Variants in NEUROD4 observed in about 807,000 individuals in gnomAD.
NEUROD4 encodes neurogenic differentiation factor 4.
Under a neutral mutation model 19.8 loss-of-function variants are expected in NEUROD4, and 16 were observed. The observed-to-expected ratio is 0.81, with a 90% confidence interval of 0.55 to 1.23. NEUROD4 has a LOEUF of 1.23. NEUROD4 is among the 50% of genes most tolerant of loss of function. The pLI, the probability that NEUROD4 is intolerant of heterozygous loss-of-function variation, is 0.00. For missense variants in NEUROD4, 439 were observed against 398.6 expected, an observed-to-expected ratio of 1.10 and a Z score of -0.86; for synonymous variants, 153 against 147.9, an observed-to-expected ratio of 1.03 and a Z score of -0.25.
Position 55,028,449 on chromosome 12 carries a change from T to C in NEUROD4, c.*1014T>C, listed in dbSNP as rs79710610. On this transcript the variant is annotated 3_prime_UTR_variant, in exon 2 of 2. Coordinates refer to ENST00000242994, the MANE Select transcript of NEUROD4 (RefSeq NM_021191.3). ...AATAGCTATTGGCTATAATAACTAC[T>C]ATAGTTCAGGGACTCTCTCCAGCTC... The C allele has an allele frequency of 0.057, 9,471 of 167,096 alleles. 752 individuals are homozygous for C. Among genetic ancestry groups the C allele is most frequent in the African/African-American group, 0.18 (7,612 of 41,500 alleles). 10.4% of individuals were successfully genotyped at this position (167,096 alleles called of 1,614,324 possible).
Position 55,028,984 on chromosome 12 carries a change from T to G in NEUROD4, c.*1549T>G, listed in dbSNP as rs1398757372. 2 of 167,036 alleles carry G rather than the reference T, an allele frequency of 1.2e-5. No individual in the cohort carries two copies. 10.3% of individuals were successfully genotyped at this position (167,036 alleles called of 1,614,324 possible). A position where few individuals can be genotyped will look rare whatever the true frequency, so the allele number is the denominator to read the frequency against. On this transcript the variant is annotated 3_prime_UTR_variant, in exon 2 of 2. Transcript: ENST00000242994. ...CAAACCAGAGCCTGAATGGCTTATTTGATAGTAGATTAGGTCCTGCTCCTG... is the reference window on the plus strand; with the variant it reads ...CAAACCAGAGCCTGAATGGCTTATTGGATAGTAGATTAGGTCCTGCTCCTG...
Position 55,027,016 on chromosome 12 carries a change from T to C in NEUROD4, c.577T>C (p.Cys193Arg), listed in dbSNP as rs140138045. 10 of 1,614,018 alleles carry C rather than the reference T, an allele frequency of 6.2e-6. No individual in the cohort carries two copies. In the African/African-American group the frequency reaches 1.1e-4, roughly 17 times the overall value. Residue 193 changes from cysteine to arginine, a missense_variant, in exon 2 of 2, where the codon TGT (cysteine) becomes CGT (arginine). Transcript: ENST00000242994. ...GAAGCACGAGGATAAATCTCCTATT[T>C]GTGACTCTGCCATCTCTGTCCACAA... ...LEKHEDKSPI[C>R]DSAISVHNFN...
intron 1 of NEUROD4, among the ~76,000 whole-genome samples, chr12:55,026,061 T>G (rs1952724342): frequency 6.6e-6 from 1 of 152,216 alleles, no homozygotes; most frequent in Admixed American, 6.5e-5. Flanking sequence ...CAGAAATTTC[T>G]CTACTTGGAC....
At chr12:55,026,346 A>G in intron 1 of NEUROD4, 85 bp from the exon 2 acceptor site, 1 of 1,185,826 alleles carries the variant, frequency 8.4e-7, no homozygotes, top group South Asian at 1.6e-5. Flanking sequence ...GAAGACTTGG[A>G]CAAGATAATT....
chr12:55,023,687 G>A (rs1857766), intron 1 of NEUROD4, among the ~76,000 whole-genome samples: 1 of 152,102 alleles, frequency 6.6e-6, no homozygotes, highest in Non-Finnish European at 1.5e-5. Context: ...TGAGAACAGA[G>A]GAAGTTAAAC....
At position 55,028,711 on chromosome 12, in the gene NEUROD4, T is replaced by A. The variant is rs1952761421; in HGVS notation, c.*1276T>A. On this transcript the variant is annotated 3_prime_UTR_variant, in exon 2 of 2. Coordinates refer to ENST00000242994, the MANE Select transcript of NEUROD4 (RefSeq NM_021191.3). ...TTCTAAGATAGAATATGTTATTATA[T>A]ATTGTAAATAACATTTCAGGTGACC... The A allele has an allele frequency of 6.0e-6, 1 of 167,090 alleles. No homozygotes were observed. Among genetic ancestry groups the A allele is most frequent in the African/African-American group, 2.4e-5 (1 of 41,454 alleles). The allele number at this position is 167,090 out of a possible 1,614,324, so 10.4% of individuals were successfully genotyped here.
At chr12:55,025,337 A>T (rs1458278885) in intron 1 of NEUROD4, among the ~76,000 whole-genome samples, 1 of 143,384 alleles carries the variant, frequency 7.0e-6, no homozygotes, top group Non-Finnish European at 1.5e-5. Context: ...TTGTGTTAGC[A>T]GTCACTATGT....
chr12:55,022,866 T>C (rs914459491), intron 1 of NEUROD4, among the ~76,000 whole-genome samples: 1 of 152,108 alleles, frequency 6.6e-6, no homozygotes, highest in African/African-American at 2.4e-5. Context: ...AATGAAGCCA[T>C]TGGCTTTTGT....
chr12:55,025,213 T>A (rs1459911377), intron 1 of NEUROD4, among the ~76,000 whole-genome samples: 2 of 152,222 alleles, frequency 1.3e-5, no homozygotes, highest in Non-Finnish European at 2.9e-5. Context: ...ACTAAATCAC[T>A]AGTCTCTTCT....
chr12:55,020,258 C>G lies in NEUROD4; in HGVS notation c.-65C>G, dbSNP rs529444408. 6.6e-6 allele frequency: 1 copy of G among 152,396 alleles called. No individual in the cohort carries two copies. Among genetic ancestry groups the G allele is most frequent in the African/African-American group, 2.4e-5 (1 of 41,592 alleles). The allele number at this position is 152,396 out of a possible 1,614,324, so 9.4% of individuals were successfully genotyped here. On this transcript the variant is annotated 5_prime_UTR_variant, in exon 1 of 2. Coordinates refer to ENST00000242994, the MANE Select transcript of NEUROD4 (RefSeq NM_021191.3). ...GGTCAGGGAGACTTGGCTTCTCTGACTGTCCTCTAAGACGCAGATTCACAG... is the reference window on the plus strand; with the variant it reads ...GGTCAGGGAGACTTGGCTTCTCTGAGTGTCCTCTAAGACGCAGATTCACAG...
chr12:55,020,871 G>T (rs1454626472), intron 1 of NEUROD4, among the ~76,000 whole-genome samples: 1 of 152,118 alleles, frequency 6.6e-6, no homozygotes, highest in Admixed American at 6.5e-5. Flanking sequence ...CAGGGTGGGG[G>T]AAATTTCCTT....
intron 1 of NEUROD4, among the ~76,000 whole-genome samples, chr12:55,026,035 C>T (rs966265603): frequency 6.6e-6 from 1 of 152,086 alleles, no homozygotes; most frequent in Non-Finnish European, 1.5e-5. Flanking sequence ...TTATTTTTAG[C>T]ATGCTCTTTC....
At position 55,026,978 on chromosome 12, in the gene NEUROD4, C is replaced by T. The variant is rs750594973; in HGVS notation, c.539C>T (p.Ser180Phe). The change falls in exon 2 of 2, where the codon TCT (serine) becomes TTT (phenylalanine). Residue 180 changes from serine to phenylalanine, a missense_variant. Physicochemically the swap from Ser to Phe is radical, Grantham distance 155. Coordinates refer to ENST00000242994, the MANE Select transcript of NEUROD4 (RefSeq NM_021191.3). ...VAGCLQLGPQSVLLEKHEDKS... is the reference protein window; with the variant it reads ...VAGCLQLGPQFVLLEKHEDKS... ...GGATGTCTCCAACTGGGCCCTCAGT[C>T]TGTCCTCCTGGAGAAGCACGAGGAT... 1.9e-6 allele frequency: 3 copies of T among 1,614,078 alleles called. No homozygotes were observed. In the South Asian group the frequency reaches 3.3e-5, roughly 18 times the overall value.
chr12:55,021,575 A>G (rs544589455), intron 1 of NEUROD4, among the ~76,000 whole-genome samples: 2 of 152,350 alleles, frequency 1.3e-5, no homozygotes, highest in South Asian at 2.1e-4. Flanking sequence ...ATAGCTTCAC[A>G]TAGTAGTAAT....
Position 55,027,458 on chromosome 12 carries a change from G to A in NEUROD4, c.*23G>A, listed in dbSNP as rs773078042. The A allele has an allele frequency of 2.6e-6, 4 of 1,565,156 alleles. No individual in the cohort carries two copies. The East Asian group carries it at 6.7e-5, about 26-fold the overall frequency. On this transcript the variant is annotated 3_prime_UTR_variant, in exon 2 of 2. Transcript: ENST00000242994. ...TGAGGCAGTTAAGTTCAATGTTTCAGAGAATGACGTGGAGACATTTTCCAT... is the reference window on the plus strand; with the variant it reads ...TGAGGCAGTTAAGTTCAATGTTTCAAAGAATGACGTGGAGACATTTTCCAT...
intron 1 of NEUROD4, among the ~76,000 whole-genome samples, chr12:55,022,499 GGCTTTCACT>G (rs889244045): frequency 5.3e-5 from 8 of 152,048 alleles, no homozygotes; most frequent in Non-Finnish European, 1.0e-4. Flanking sequence ...CAGGAGTCTT[GGCTTTCACT>G]GCTTTCACTT....
Position 55,020,034 on chromosome 12 carries a change from A to G in NEUROD4, c.-289A>G, listed in dbSNP as rs1952664493. 6.6e-6 allele frequency: 1 copy of G among 152,308 alleles called. No homozygotes were observed. Among genetic ancestry groups the G allele is most frequent in the South Asian group, 2.1e-4 (1 of 4,834 alleles). The allele number at this position is 152,308 out of a possible 1,614,324, so 9.4% of individuals were successfully genotyped here. ...AAAGCTCCTCTCCGGGGAGCTAACC[A>G]GGGAGAGGAGGTACTGAAGAGCGAC... On this transcript the variant is annotated 5_prime_UTR_variant, in exon 1 of 2. Coordinates refer to ENST00000242994, the MANE Select transcript of NEUROD4 (RefSeq NM_021191.3).
Position 55,026,906 on chromosome 12 carries a change from A to G in NEUROD4, c.467A>G (p.Glu156Gly). The change falls in exon 2 of 2, where the codon GAG becomes GGG. Residue 156 changes from glutamate to glycine, a missense_variant. Physicochemically the swap from Glu to Gly is moderately conservative, Grantham distance 98. Transcript: ENST00000242994. Reference protein sequence around the residue: ...GQTPEGKGFVEMLCKGLSQPT... With the variant: ...GQTPEGKGFVGMLCKGLSQPT... ...ACACCTGAAGGGAAAGGCTTTGTGG[A>G]GATGCTGTGTAAAGGGCTCTCTCAG... 6.2e-7 allele frequency: 1 copy of G among 1,614,166 alleles called. No homozygotes were observed. Among genetic ancestry groups the G allele is most frequent in the South Asian group, 1.1e-5 (1 of 91,084 alleles).
At position 55,027,173 on chromosome 12, in the gene NEUROD4, G is replaced by A. The variant is rs754054780; in HGVS notation, c.734G>A (p.Ser245Asn). Residue 245 changes from serine (S) to asparagine (N), a missense_variant, in exon 2 of 2, where the codon AGT (serine) becomes AAT (asparagine). Coordinates refer to ENST00000242994, the MANE Select transcript of NEUROD4 (RefSeq NM_021191.3). ...SSFGSHLPDC[S>N]TPPYEGPLTP... The stretch of plus-strand genomic sequence containing the variant: ...TTTGGGAGCCATCTGCCTGACTGCA[G>A]TACACCCCCTTATGAGGGCCCACTC... The A allele has an allele frequency of 9.9e-6, 16 of 1,613,994 alleles. No homozygotes were observed. The East Asian group carries it at 3.3e-4, about 34-fold the overall frequency.
Sources: gnomAD v4.1 joint callset for allele counts (sites outside exome capture counted in the v4.1 genomes callset) on GRCh38, gnomAD v4.1.1 for gene constraint, MANE v1.5 for transcripts, NCBI Gene and HGNC (gene_info 2026-07-23, HGNC 2026-07-21) for gene names.